DRG2: variants seen among roughly 807,000 people sequenced by gnomAD.
The protein encoded by DRG2 is developmentally regulated GTP binding protein 2.
DRG2 carries 36 observed loss-of-function variants against 53.4 expected under a neutral mutation model. That is an observed-to-expected ratio of 0.67 (90% CI 0.52 to 0.89). The LOEUF is 0.89. Ranked by LOEUF, DRG2 falls within the 40% of genes least tolerant of loss-of-function variation. The probability of loss-of-function intolerance (pLI) is 0.00; values close to 1 mark genes in which losing one functional copy is unlikely to be tolerated. For synonymous variants in DRG2, 167 were observed against 192.1 expected (o/e 0.87, Z 1.08); for missense variants, 342 against 481.2 (o/e 0.71, Z 2.71).
intron 1 of DRG2, among the ~76,000 whole-genome samples, chr17:18,090,389 TATATATATATA>T (rs2045303301): frequency 3.9e-4 from 5 of 12,708 alleles, no homozygotes; most frequent in African/African-American, 2.1e-3. Flanking sequence ...TATATATATA[TATATATATATA>T]TATATATTTT....
At position 18,093,917 on chromosome 17, in the gene DRG2, G is replaced by A. The variant is rs559042966; in HGVS notation, c.169G>A (p.Val57Ile). 196 of 1,614,238 alleles carry A rather than the reference G, an allele frequency of 1.2e-4. No individual in the cohort carries two copies. The South Asian group carries it at 1.3e-3, about 11-fold the overall frequency. The change falls in exon 2 of 13, where the codon GTC (valine) becomes ATC (isoleucine). Residue 57 changes from valine to isoleucine, a missense_variant. Transcript: ENST00000225729. ...CTCGTCCAAAGGAGAGGGCTTTGAT[G>A]TCATGAAGTCGGGTGATGCCCGTGT... ...SASSKGEGFD[V>I]MKSGDARVAL...
Position 18,099,639 on chromosome 17 carries a change from G to A in DRG2, c.383G>A (p.Gly128Asp). The change falls in exon 5 of 13, where the codon GGC (glycine) becomes GAC (aspartate). Residue 128 changes from glycine to aspartate, a missense_variant. Physicochemically the swap from Gly to Asp is moderately conservative, Grantham distance 94. Coordinates refer to ENST00000225729, the MANE Select transcript of DRG2 (RefSeq NM_001388.5). This position sits in a 1 kb window ranked among gnomAD's most constrained non-coding sequence, Gnocchi z 4.4. Reference sequence around the variant, plus strand: ...ATCCCTCACACCCATCCAGGAAAAGGCCGTGGCCGGCAGGTGATCGCTGTG... The same window carrying A: ...ATCCCTCACACCCATCCAGGAAAAGACCGTGGCCGGCAGGTGATCGCTGTG... The part of the protein sequence containing the change: ...GIIEGAAQGK[G>D]RGRQVIAVAR... 6.2e-7 allele frequency: 1 copy of A among 1,603,986 alleles called. No homozygotes were observed.
At position 18,093,830 on chromosome 17, in the gene DRG2, G is replaced by C; in HGVS notation, c.82G>C (p.Gly28Arg). The change falls in exon 2 of 13, where the codon GGC (glycine) becomes CGC (arginine). Residue 28 changes from glycine (G) to arginine (R), a missense_variant. By Grantham distance (125) the Gly-to-Arg change is moderately radical. Coordinates refer to ENST00000225729, the MANE Select transcript of DRG2 (RefSeq NM_001388.5). ...QKNKATEYHL[G>R]LLKAKLAKYR... Reference sequence around the variant, plus strand: ...TCCTTTAGCCACTGAGTATCATCTGGGCCTGCTGAAAGCTAAGCTCGCCAA... The same window carrying C: ...TCCTTTAGCCACTGAGTATCATCTGCGCCTGCTGAAAGCTAAGCTCGCCAA... 5.0e-6 allele frequency: 8 copies of C among 1,613,986 alleles called. No homozygotes were observed. Among genetic ancestry groups the C allele is most frequent in the Non-Finnish European group, 6.8e-6 (8 of 1,179,976 alleles).
At position 18,103,756 on chromosome 17, in the gene DRG2, A is replaced by G. The variant is rs770510537; in HGVS notation, c.807-45A>G. The stretch of plus-strand genomic sequence containing the variant: ...TGAGAAGTGGAGACCCCAGCCTCTG[A>G]ATTCACAGGGGCCCCTGCCTGACTG... On this transcript the variant is annotated intron_variant, in intron 9 of 12. Transcript: ENST00000225729. This position sits in a 1 kb window ranked among gnomAD's most constrained non-coding sequence, Gnocchi z 4.4. 2.5e-6 allele frequency: 4 copies of G among 1,583,882 alleles called. No individual in the cohort carries two copies. The highest frequency in any genetic ancestry group is 3.5e-6 in the Non-Finnish European group (4 of 1,152,936).
chr17:18,099,748 G>A lies in DRG2; in HGVS notation c.467+25G>A, dbSNP rs935131035. 1.3e-6 allele frequency: 2 copies of A among 1,581,956 alleles called. No homozygotes were observed. On this transcript the variant is annotated intron_variant, in intron 5 of 12. Coordinates refer to ENST00000225729, the MANE Select transcript of DRG2 (RefSeq NM_001388.5). The surrounding 1 kb of genome is among the most constrained non-coding windows in gnomAD (Gnocchi z 4.4). ...GGTCCGCAGGGTGGGGCATGGGGCA[G>A]GCTCACATGTCTGGGGAGGGCCAAT...
At chr17:18,088,170 A>C in intron 1 of DRG2, 83 bp downstream of exon 1, 1 of 1,443,936 alleles carries the variant, frequency 6.9e-7, no homozygotes, top group Non-Finnish European at 9.3e-7. Flanking sequence ...TCCAGCAGTA[A>C]TGCTGGGGCA....
At chr17:18,095,963 C>T (rs2045427686) in intron 2 of DRG2, 1 of 152,184 alleles carries the variant, frequency 6.6e-6, no homozygotes, top group African/African-American at 2.4e-5. Flanking sequence ...CTTAGACTTG[C>T]CTTGATTTGA....
intron 1 of DRG2, among the ~76,000 whole-genome samples, chr17:18,090,126 C>T (rs931604926): frequency 1.8e-4 from 27 of 150,108 alleles, no homozygotes; most frequent in Non-Finnish European, 1.5e-5. Flanking sequence ...TTCAGAGATG[C>T]TCAGAATTTT....
chr17:18,097,340 T>C (rs1355078587), intron 2 of DRG2: 1 of 152,350 alleles, frequency 6.6e-6, no homozygotes, highest in East Asian at 1.9e-4. Flanking sequence ...TAAGGGTGCC[T>C]TGGGGAGGGT....
intron 12 of DRG2, 51 bp from the exon 13 acceptor site, chr17:18,107,103 C>T: frequency 7.0e-6 from 11 of 1,567,026 alleles, no homozygotes; most frequent in Non-Finnish European, 8.8e-6. Flanking sequence ...TCTTCCTTGA[C>T]CTTGGCCAGT....
intron 1 of DRG2, among the ~76,000 whole-genome samples, chr17:18,093,252 A>G (rs982942051): frequency 5.3e-5 from 8 of 152,190 alleles, no homozygotes; most frequent in African/African-American, 1.9e-4. Flanking sequence ...CCCCCCAGGA[A>G]GCGGTGCCCC....
Position 18,100,098 on chromosome 17 carries a change from C to T in DRG2, c.468-265C>T, listed in dbSNP as rs2045502840. Reference sequence around the variant, plus strand: ...GCCTCCTCGGGACCAGAAGGAGTACCCTCATGTGGTCACCTCGCGGGGGCT... The same window carrying T: ...GCCTCCTCGGGACCAGAAGGAGTACTCTCATGTGGTCACCTCGCGGGGGCT... On this transcript the variant is annotated intron_variant, in intron 5 of 12. Coordinates refer to ENST00000225729, the MANE Select transcript of DRG2 (RefSeq NM_001388.5). This position sits in a 1 kb window ranked among gnomAD's most constrained non-coding sequence, Gnocchi z 4.1. 5 of 584,274 alleles carry T rather than the reference C, an allele frequency of 8.6e-6. No homozygotes were observed. Among genetic ancestry groups the T allele is most frequent in the Non-Finnish European group, 1.5e-5 (5 of 327,578 alleles). The allele number at this position is 584,274 out of a possible 1,614,324, so 36.2% of individuals were successfully genotyped here.
At chr17:18,096,590 G>A (rs2045437457) in intron 2 of DRG2, 1 of 152,290 alleles carries the variant, frequency 6.6e-6, no homozygotes, top group Admixed American at 6.5e-5. Flanking sequence ...CCCTGGCCTA[G>A]AATCTGCCAT....
At chr17:18,102,071 C>T (rs2045548202) in intron 9 of DRG2, 74 bp downstream of exon 9, 14 of 1,489,786 alleles carry the variant, frequency 9.4e-6, no homozygotes, top group Non-Finnish European at 1.3e-5. Flanking sequence ...GCCTCCCAGC[C>T]ACTTTGGCTG....
Position 18,099,545 on chromosome 17 carries a change from C to A in DRG2, c.377-88C>A. 1 of 1,346,300 alleles carries A rather than the reference C, an allele frequency of 7.4e-7. No individual in the cohort carries two copies. The allele number at this position is 1,346,300 out of a possible 1,614,324, so 83.4% of individuals were successfully genotyped here. A position where few individuals can be genotyped will look rare whatever the true frequency, so the allele number is the denominator to read the frequency against. On this transcript the variant is annotated intron_variant, in intron 4 of 12. Coordinates refer to ENST00000225729, the MANE Select transcript of DRG2 (RefSeq NM_001388.5). The surrounding 1 kb of genome is among the most constrained non-coding windows in gnomAD (Gnocchi z 4.4). ...GTATGTGGCAGAGGCTGTGGTAGGT[C>A]TGTAAAGGACAGGAGTCCAGGGCGC...
intron 10 of DRG2, among the ~76,000 whole-genome samples, chr17:18,104,361 T>A (rs939522082): frequency 5.9e-5 from 9 of 152,206 alleles, no homozygotes; most frequent in African/African-American, 2.2e-4. Flanking sequence ...GGTCCTGGTC[T>A]CTGTCAGTGC....
At position 18,104,791 on chromosome 17, in the gene DRG2, C is replaced by T. The variant is rs567562868; in HGVS notation, c.954+110C>T. The T allele has an allele frequency of 1.2e-5, 19 of 1,556,102 alleles. No individual in the cohort carries two copies. In the African/African-American group the frequency reaches 2.6e-4, roughly 21 times the overall value. On this transcript the variant is annotated intron_variant, in intron 11 of 12. Transcript: ENST00000225729. ...GGGGGTGGGCTCTGCTGGTCTCACT[C>T]TCAGATGTCAACGCAGGCTCTGGAG...
In DRG2 at chr17:18,107,792, G is replaced by A. The variant is rs899243121; in HGVS notation, c.*552G>A. The A allele has an allele frequency of 6.3e-6, 1 of 158,938 alleles. No homozygotes were observed. The highest frequency in any genetic ancestry group is 2.4e-5 in the African/African-American group (1 of 41,636). 9.8% of individuals were successfully genotyped at this position (158,938 alleles called of 1,614,324 possible). On this transcript the variant is annotated 3_prime_UTR_variant, in exon 13 of 13. Transcript: ENST00000225729. Reference sequence around the variant, plus strand: ...CCAGCTGACACCCTCCACAGCCTAAGGGGTGTCCTAAAGTGCCTCCCCCTG... The same window carrying A: ...CCAGCTGACACCCTCCACAGCCTAAAGGGTGTCCTAAAGTGCCTCCCCCTG...
intron 2 of DRG2, chr17:18,097,304 A>G (rs1243667370): frequency 6.6e-6 from 1 of 152,206 alleles, no homozygotes; most frequent in Non-Finnish European, 1.5e-5. Flanking sequence ...TTTCCATCAC[A>G]TGCCACATTC....
Sources: gnomAD v4.1 joint callset for allele counts (sites outside exome capture counted in the v4.1 genomes callset) on GRCh38, gnomAD v4.1.1 for gene constraint, Gnocchi (gnomAD v3.1) non-coding constraint, MANE v1.5 for transcripts, NCBI Gene and HGNC (gene_info 2026-07-23, HGNC 2026-07-21) for gene names.